Variants in UPK1A observed in about 807,000 individuals in gnomAD.
UPK1A encodes the protein uroplakin 1A.
In UPK1A, 31 loss-of-function variants were observed where a neutral mutation model predicts 32.3. The ratio of observed to expected loss-of-function variants is 0.96; its 90% CI spans 0.72 to 1.30. UPK1A has a LOEUF of 1.30. Among genes scored for constraint, UPK1A ranks in the 50% most tolerant of loss-of-function variants. The probability of loss-of-function intolerance (pLI) is 0.00; values close to 1 mark genes in which losing one functional copy is unlikely to be tolerated. For missense variants in UPK1A, 340 were observed against 357.4 expected (o/e 0.95, Z 0.39); for synonymous variants, 135 against 137.1 (o/e 0.98, Z 0.11).
rs1042560979 is a variant in UPK1A, at chr19:35,676,153, C to T, written c.648+134C>T. 4 of 1,013,750 alleles carry T rather than the reference C, an allele frequency of 3.9e-6. No individual in the cohort carries two copies. The African/African-American group carries it at 6.6e-5, about 17-fold the overall frequency. 62.8% of individuals were successfully genotyped at this position (1,013,750 alleles called of 1,614,324 possible). A position where few individuals can be genotyped will look rare whatever the true frequency, so the allele number is the denominator to read the frequency against. ...CTTTTTCCCTCTCCTCTTCCCCTCT[C>T]TGATTTTCTTGTTTTCTTTTTCTTT... On this transcript the variant is annotated intron_variant, in intron 6 of 7. Transcript: ENST00000617999.
intron 5 of UPK1A, among the ~76,000 whole-genome samples, chr19:35,675,283 T>C (rs556625892): frequency 2.0e-5 from 3 of 152,188 alleles, no homozygotes; most frequent in African/African-American, 7.2e-5. Context: ...AAATATTTTA[T>C]TTTATTTTAT....
intron 3 of UPK1A, among the ~76,000 whole-genome samples, chr19:35,670,231 G>C (rs922796641): frequency 6.6e-6 from 1 of 152,174 alleles, no homozygotes; most frequent in Admixed American, 6.5e-5. Context: ...AGGAGGTTGG[G>C]GGGTGAGAGG....
rs543379508 is a variant in UPK1A, at chr19:35,668,228, C to G, written c.85-226C>G. The G allele has an allele frequency of 1.2e-5, 7 of 603,582 alleles. No individual in the cohort carries two copies. The East Asian group carries it at 1.7e-4, about 15-fold the overall frequency. The allele number at this position is 603,582 out of a possible 1,614,324, so 37.4% of individuals were successfully genotyped here. A position where few individuals can be genotyped will look rare whatever the true frequency, so the allele number is the denominator to read the frequency against. On this transcript the variant is annotated intron_variant, in intron 2 of 7. Transcript: ENST00000617999. ...TCCACGTGGCATCCCCTTTTATCCC[C>G]GAAGAAACTGGCAGCTGGGGCGTGG... is the stretch of plus-strand genomic sequence containing the variant.
chr19:35,670,832 A>G (rs920932558), intron 3 of UPK1A, among the ~76,000 whole-genome samples: 6 of 150,928 alleles, frequency 4.0e-5, no homozygotes, highest in Non-Finnish European at 7.4e-5. Flanking sequence ...CTCCCACCTC[A>G]GCCTCCCAAT....
chr19:35,667,937 A>C (rs1342770236), intron 2 of UPK1A: 1 of 200,394 alleles, frequency 5.0e-6, no homozygotes, highest in Non-Finnish European at 1.0e-5. Context: ...CTACAGGTGC[A>C]CATCACCACA....
chr19:35,673,497 C>A, exon 5 of UPK1A: 1 of 1,613,294 alleles, frequency 6.2e-7, no homozygotes, highest in Non-Finnish European at 8.5e-7. Flanking sequence ...GCGCGGACAC[C>A]GACCAGGGCC....
intron 6 of UPK1A, 146 bp downstream of exon 6, chr19:35,676,165 T>C: frequency 1.0e-6 from 1 of 959,980 alleles, no homozygotes; most frequent in Non-Finnish European, 1.5e-6. Flanking sequence ...GATTTTCTTG[T>C]TTTCTTTTTC....
At chr19:35,670,204 G>A (rs1244627980) in intron 3 of UPK1A, among the ~76,000 whole-genome samples, 1 of 152,218 alleles carries the variant, frequency 6.6e-6, no homozygotes, top group African/African-American at 2.4e-5. Flanking sequence ...GTCCAAAGCA[G>A]CTGGAGCTGA....
At chr19:35,672,951 A>G (rs1289389273) in intron 3 of UPK1A, among the ~76,000 whole-genome samples, 2 of 151,916 alleles carry the variant, frequency 1.3e-5, no homozygotes, top group East Asian at 3.9e-4. Context: ...CTCCTGACTC[A>G]GGTGATCGCC....
At position 35,668,380 on chromosome 19, in the gene UPK1A, A is replaced by C. The variant is rs752752314; in HGVS notation, c.85-74A>C. ...AGTGGAGGCTCCAAATGGGGAGGGA[A>C]CTTGCTCGTGGAGATGCCTGGTGCC... is the stretch of plus-strand genomic sequence containing the variant. On this transcript the variant is annotated intron_variant, in intron 2 of 7. Transcript: ENST00000617999. 5.1e-6 allele frequency: 8 copies of C among 1,576,892 alleles called. No individual in the cohort carries two copies. The East Asian group carries it at 1.8e-4, about 35-fold the overall frequency.
intron 2 of UPK1A, chr19:35,668,014 C>G (rs1968024109): frequency 4.0e-6 from 1 of 251,180 alleles, no homozygotes; most frequent in Non-Finnish European, 7.9e-6. Flanking sequence ...TCTCAAACTC[C>G]TGGGCTCAAG....
At chr19:35,668,800 TC>T in intron 3 of UPK1A, 146 bp downstream of exon 3, 1 of 925,266 alleles carries the variant, frequency 1.1e-6, no homozygotes, top group Non-Finnish European at 1.6e-6. Flanking sequence ...CATTCAGTCT[TC>T]CCACAGCCCA....
chr19:35,670,363 GCTCCCCTCCCCTCCCTTCCC>G (rs1486556544), intron 3 of UPK1A, among the ~76,000 whole-genome samples: 1 of 141,254 alleles, frequency 7.1e-6, no homozygotes, highest in Non-Finnish European at 1.6e-5. Context: ...TAGACCCCCT[GCTCCCCTCCCCTCCCTTCCC>G]CTCCCCTTCC....
chr19:35,666,728 C>A, intron 1 of UPK1A, 81 bp from the exon 2 acceptor site: 1 of 1,437,290 alleles, frequency 7.0e-7, no homozygotes, highest in Non-Finnish European at 9.7e-7. Flanking sequence ...AGCAACCCCT[C>A]GAAGCCAGGG....
At chr19:35,668,640 T>A in exon 3 of UPK1A, 1 of 1,613,166 alleles carries the variant, frequency 6.2e-7, no homozygotes, top group South Asian at 1.1e-5. Flanking sequence ...CCGCCGCCGG[T>A]CCATGGTCCT....
At chr19:35,674,782 C>G (rs548767746) in intron 5 of UPK1A, among the ~76,000 whole-genome samples, 40 of 152,062 alleles carry the variant, frequency 2.6e-4, no homozygotes, top group African/African-American at 9.6e-4. Flanking sequence ...TGGCTCAAAC[C>G]TATAATCCCA....
chr19:35,673,433 C>T lies in UPK1A; in HGVS notation c.361-5C>T, dbSNP rs1005923983. 6 of 1,613,706 alleles carry T rather than the reference C, an allele frequency of 3.7e-6. No homozygotes were observed. The highest frequency in any genetic ancestry group is 5.1e-6 in the Non-Finnish European group (6 of 1,179,856). ...CCGGCCCTTGTTCTTCCCTGTTCTCCTCAGATGGTGTCCAACCCATCCCTG... is the reference window on the plus strand; with the variant it reads ...CCGGCCCTTGTTCTTCCCTGTTCTCTTCAGATGGTGTCCAACCCATCCCTG... On this transcript the variant is annotated splice_region_variant and splice_polypyrimidine_tract_variant and intron_variant, in intron 4 of 7. Coordinates refer to ENST00000617999, the Ensembl canonical transcript of UPK1A.
chr19:35,673,587 G>C lies in UPK1A; in HGVS notation c.468+42G>C, dbSNP rs566774661. 78 of 1,576,892 alleles carry C rather than the reference G, an allele frequency of 4.9e-5. 1 individual carries two copies. The South Asian group carries it at 8.4e-4, about 17-fold the overall frequency. On this transcript the variant is annotated intron_variant, in intron 5 of 7. Transcript: ENST00000617999. ...GGGTGCTGGGAGGGCCCTGGGCTCC[G>C]TCCACAGAGGCCGATAGAGCTCCCG... is the stretch of plus-strand genomic sequence containing the variant.
In UPK1A at chr19:35,676,198, T is replaced by TCTTTCTTTC. The variant is rs576312064; in HGVS notation, c.648+179_648+180insCTTTCTTTC. The TCTTTCTTTC allele has an allele frequency of 9.0e-4, 734 of 818,100 alleles. 1 individual carries two copies. The highest frequency in any genetic ancestry group is 1.6e-3 in the South Asian group (100 of 60,770). 50.7% of individuals were successfully genotyped at this position (818,100 alleles called of 1,614,324 possible). A position where few individuals can be genotyped will look rare whatever the true frequency, so the allele number is the denominator to read the frequency against. On this transcript the variant is annotated intron_variant, in intron 6 of 7. Coordinates refer to ENST00000617999, the Ensembl canonical transcript of UPK1A. ...TTCTTTCTTTCTTTCTTTCTTTCTTTTTTTTTTTTCAAGACCGAGTCCTGC... is the reference window on the plus strand; with the variant it reads ...TTCTTTCTTTCTTTCTTTCTTTCTTTCTTTCTTTCTTTTTTTTTCAAGACCGAGTCCTGC...
Sources: allele counts gnomAD v4.1 joint callset (sites outside exome capture counted in the v4.1 genomes callset), GRCh38; gene constraint gnomAD v4.1.1; transcripts MANE v1.5; gene names NCBI Gene and HGNC (gene_info 2026-07-23, HGNC 2026-07-21).